The following MED12L variants were observed in gnomAD, a reference collection of about 807,000 sequenced individuals.
MED12L encodes the protein mediator complex subunit 12L.
Under a neutral mutation model 281.3 loss-of-function variants are expected in MED12L, and 60 were observed. The ratio of observed to expected loss-of-function variants is 0.21; its 90% CI spans 0.17 to 0.26. The LOEUF (loss-of-function observed/expected upper bound fraction) is 0.26. Ranked by LOEUF, MED12L falls within the 10% of genes least tolerant of loss-of-function variation. The pLI is 1.00. For missense variants in MED12L, 2,146 were observed against 2,680.9 expected, an observed-to-expected ratio of 0.80 and a Z score of 4.41; for synonymous variants, 974 against 987.2, an observed-to-expected ratio of 0.99 and a Z score of 0.25.
intron 11 of MED12L, among the ~76,000 whole-genome samples, chr3:151,167,621 C>T (rs953234787): frequency 1.3e-5 from 2 of 152,176 alleles, no homozygotes; most frequent in African/African-American, 4.8e-5. Context: ...TAGGATCATT[C>T]AGAACGTTGA....
Position 151,222,751 on chromosome 3 carries a change from C to G in MED12L, c.2250+29085C>G, listed in dbSNP as rs1370274733. Among the ~76,000 whole-genome samples, 6 of 152,216 alleles carry G rather than the reference C, an allele frequency of 3.9e-5. No individual in the cohort carries two copies. In the East Asian group the frequency reaches 1.2e-3, roughly 29 times the overall value. ...TGATATGCTGCTGGTCCATGTACCACTCTTTGAGTTAGCATCATTTTTTTC... is the reference window on the plus strand; with the variant it reads ...TGATATGCTGCTGGTCCATGTACCAGTCTTTGAGTTAGCATCATTTTTTTC... On this transcript the variant is annotated intron_variant, in intron 16 of 44. Coordinates refer to ENST00000687756, the MANE Select transcript of MED12L (RefSeq NM_001393769.1).
chr3:151,388,753 A>G (rs547597014), intron 37 of MED12L, among the ~76,000 whole-genome samples: 3 of 152,310 alleles, frequency 2.0e-5, no homozygotes, highest in Admixed American at 6.5e-5. Flanking sequence ...TTGTTTCTCT[A>G]TTAGTGTTCC....
At chr3:151,307,296 CTT>C (rs1370888936) in intron 16 of MED12L, among the ~76,000 whole-genome samples, 1 of 152,168 alleles carries the variant, frequency 6.6e-6, no homozygotes, top group African/African-American at 2.4e-5. Flanking sequence ...TGAGTTACCT[CTT>C]ATTGTAATGG....
intron 16 of MED12L, among the ~76,000 whole-genome samples, chr3:151,235,890 C>T (rs4076581): frequency 0.28 from 42,319 of 151,804 alleles, 6,271 homozygotes; most frequent in East Asian, 0.48. Flanking sequence ...CCCCCTATGT[C>T]GCATTCTCTA....
intron 16 of MED12L, among the ~76,000 whole-genome samples, chr3:151,229,300 C>T: frequency 6.9e-6 from 1 of 144,148 alleles, no homozygotes; most frequent in East Asian, 2.0e-4. Flanking sequence ...ATAAATTCAG[C>T]AATTCTTTTT....
rs34461662 is a variant in MED12L at position 151,193,965 on chromosome 3, C to CTT, written c.2250+315_2250+316dup. 7.8e-3 allele frequency among the ~76,000 whole-genome samples: 967 copies of CTT among 123,444 alleles called. 15 individuals carry two copies. Among genetic ancestry groups the CTT allele is most frequent in the African/African-American group, 0.018 (614 of 33,714 alleles). The allele number at this position is 123,444 out of a possible 152,430, so 81.0% of individuals were successfully genotyped here. A position where few individuals can be genotyped will look rare whatever the true frequency, so the allele number is the denominator to read the frequency against. ...TGTCTAAATGTGTTTTTTTTCTTTT[C>CTT]TTTTTTTTTTTTTTTTTGAGACGGA... On this transcript the variant is annotated intron_variant, in intron 16 of 44. Transcript: ENST00000687756.
Position 151,165,435 on chromosome 3 carries a change from T to C in MED12L, c.1273T>C (p.Tyr425His), listed in dbSNP as rs1720589037. ...AFNQQVRARI[Y>H]EVEQQIKQRG... is the part of the protein sequence containing the mutation. ...TATCTTTCAGGTTCGGGCAAGGATT[T>C]ATGAAGTAGAACAACAGATAAAACA... is the stretch of plus-strand genomic sequence containing the variant. Residue 425 changes from tyrosine to histidine, a missense_variant, in exon 10 of 45, where the codon TAT becomes CAT. Transcript: ENST00000687756. 6.2e-7 allele frequency: 1 copy of C among 1,613,810 alleles called. No homozygotes were observed. Among genetic ancestry groups the C allele is most frequent in the African/African-American group, 1.3e-5 (1 of 74,916 alleles).
chr3:151,388,020 C>G lies in MED12L; in HGVS notation c.5299C>G (p.Pro1767Ala). The change falls in exon 37 of 45, where the codon CCT becomes GCT. Residue 1767 changes from proline to alanine, a missense_variant. This residue lies in a region of MED12L where 496 missense variants were observed against 512.0 expected (regional missense o/e 0.97). Transcript: ENST00000687756. The part of the protein sequence containing the change: ...SYYLQPLPLP[P>A]EEEEEEPTSP... ...CTACCTCCAGCCACTGCCCCTGCCT[C>G]CTGAGGAGGAAGAGGAAGAGCCCAC... 6.2e-7 allele frequency: 1 copy of G among 1,614,012 alleles called. No homozygotes were observed. Among genetic ancestry groups the G allele is most frequent in the Non-Finnish European group, 8.5e-7 (1 of 1,180,008 alleles).
intron 14 of MED12L, 72 bp downstream of exon 14, chr3:151,191,003 AT>A: frequency 1.5e-6 from 2 of 1,334,130 alleles, no homozygotes; most frequent in South Asian, 2.5e-5. Context: ...CAAATGGGTC[AT>A]GTAGTGGTAG....
In MED12L at chr3:151,378,169, A is replaced by G. The variant is rs779845230; in HGVS notation, c.4474A>G (p.Lys1492Glu). The G allele has an allele frequency of 6.2e-7, 1 of 1,602,838 alleles. No homozygotes were observed. The highest frequency in any genetic ancestry group is 8.5e-7 in the Non-Finnish European group (1 of 1,173,584). The change falls in exon 31 of 45, where the codon AAA becomes GAA. Residue 1492 changes from lysine to glutamate, a missense_variant. Lys to Glu is a moderately conservative substitution (Grantham distance 56). Around this residue, in one of 9 missense-constraint regions of MED12L, gnomAD observed 212 missense variants for 340.8 expected, o/e 0.62. Transcript: ENST00000687756. ...SKKERDRQKQ[K>E]SMSLLSQQPF... ...AAAGGAAAGGGACAGACAGAAACAG[A>G]AAAGGTGTGGCTGGAAGATGGGCGT...
chr3:151,140,982 C>T (rs528370236), intron 5 of MED12L, among the ~76,000 whole-genome samples: 2 of 152,174 alleles, frequency 1.3e-5, no homozygotes, highest in South Asian at 4.1e-4. Flanking sequence ...ATTCTCCTGC[C>T]TCAGCCTCCC....
chr3:151,189,522 T>G (rs1723695482), intron 13 of MED12L, among the ~76,000 whole-genome samples: 1 of 152,238 alleles, frequency 6.6e-6, no homozygotes, highest in African/African-American at 2.4e-5. Flanking sequence ...TCCCCATTCT[T>G]GTTCTCTCTT....
At chr3:151,124,741 G>T (rs1714252791) in intron 4 of MED12L, among the ~76,000 whole-genome samples, 1 of 152,122 alleles carries the variant, frequency 6.6e-6, no homozygotes, top group East Asian at 1.9e-4. Flanking sequence ...TTCACAGCGC[G>T]CCAAGGCGTT....
intron 30 of MED12L, 29 bp downstream of exon 30, chr3:151,377,207 G>A (rs73158000): frequency 0.15 from 228,472 of 1,571,864 alleles, 18,447 homozygotes; most frequent in Non-Finnish European, 0.17. Context: ...TTATTGAACT[G>A]TCATGAATTT....
intron 16 of MED12L, among the ~76,000 whole-genome samples, chr3:151,296,270 A>G (rs1466284193): frequency 1.3e-5 from 2 of 152,192 alleles, no homozygotes; most frequent in African/African-American, 4.8e-5. Context: ...TCACTGCATC[A>G]TATAATCAGT....
chr3:151,226,513 C>T (rs1231246644), intron 16 of MED12L, among the ~76,000 whole-genome samples: 1 of 152,180 alleles, frequency 6.6e-6, no homozygotes, highest in Non-Finnish European at 1.5e-5. Flanking sequence ...CTCCCCTGCT[C>T]CTGAAAGAAT....
At chr3:151,100,815 A>G (rs1721296729) in intron 2 of MED12L, among the ~76,000 whole-genome samples, 2 of 152,200 alleles carry the variant, frequency 1.3e-5, no homozygotes, top group Non-Finnish European at 1.5e-5. Context: ...TTTTGAAATT[A>G]TATTTTCGTT....
At chr3:151,237,987 G>A (rs1196137378) in intron 16 of MED12L, among the ~76,000 whole-genome samples, 2 of 152,004 alleles carry the variant, frequency 1.3e-5, no homozygotes, top group African/African-American at 2.4e-5. Context: ...TCTAGATTGT[G>A]ACTTACTGTT....
At chr3:151,156,949 A>G (rs1719370295) in intron 6 of MED12L, among the ~76,000 whole-genome samples, 1 of 152,208 alleles carries the variant, frequency 6.6e-6, no homozygotes, top group South Asian at 2.1e-4. Flanking sequence ...GGGAGGGGAC[A>G]TGTGGTTTCT....
Sources: gnomAD v4.1 joint callset for allele counts (sites outside exome capture counted in the v4.1 genomes callset) on GRCh38, gnomAD v4.1.1 for gene constraint, gnomAD v4.1.1 regional missense constraint, MANE v1.5 for transcripts, NCBI Gene and HGNC (gene_info 2026-07-23, HGNC 2026-07-21) for gene names.